GLIS3: variants seen among roughly 807,000 people sequenced by gnomAD.
GLIS3 encodes the protein zinc finger protein GLIS3.
GLIS3 carries 53 observed loss-of-function variants against 78.6 expected under a neutral mutation model. That is an observed-to-expected ratio of 0.67 (90% confidence interval 0.54 to 0.85). The LOEUF (loss-of-function observed/expected upper bound fraction) is 0.85. Ranked by LOEUF, GLIS3 falls within the 40% of genes least tolerant of loss-of-function variation. The probability of loss-of-function intolerance (pLI) is 0.00; values close to 1 mark genes in which losing one functional copy is unlikely to be tolerated. For missense variants in GLIS3, 1,703 were observed against 1,231.1 expected (o/e 1.38, Z -5.74); for synonymous variants, 684 against 509.9 (o/e 1.34, Z -4.60).
intron 9 of GLIS3, among the ~76,000 whole-genome samples, chr9:3,844,741 C>G (rs1035289510): frequency 6.6e-6 from 1 of 152,154 alleles, no homozygotes; most frequent in African/African-American, 2.4e-5. Context: ...TGTAAAAACC[C>G]AGGTCCTAGC....
intron 2 of GLIS3, among the ~76,000 whole-genome samples, chr9:4,157,834 G>A (rs1348148485): frequency 3.3e-5 from 5 of 152,170 alleles, no homozygotes; most frequent in Non-Finnish European, 7.3e-5. Context: ...GAGCCTTTAT[G>A]TGCAGTTAAT....
chr9:4,474,442 T>C, the GLIS3 span, among the ~76,000 whole-genome samples: 1 of 152,200 alleles, frequency 6.6e-6, no homozygotes, highest in Non-Finnish European at 1.5e-5. Context: ...CAAAGTCATG[T>C]TGCAATGCAG....
At chr9:3,919,393 T>C (rs771410120) in intron 6 of GLIS3, among the ~76,000 whole-genome samples, 3 of 152,190 alleles carry the variant, frequency 2.0e-5, no homozygotes, top group Non-Finnish European at 4.4e-5. Flanking sequence ...TAAAATGAAA[T>C]GTGTTCTCAT....
intron 6 of GLIS3, among the ~76,000 whole-genome samples, chr9:3,923,456 TAAG>T (rs1362718793): frequency 6.6e-6 from 1 of 151,926 alleles, no homozygotes; most frequent in Non-Finnish European, 1.5e-5. Flanking sequence ...ATCCGGGTAA[TAAG>T]AAAAAATTGT....
chr9:4,260,276 C>G (rs1825387379), intron 2 of GLIS3, among the ~76,000 whole-genome samples: 1 of 151,920 alleles, frequency 6.6e-6, no homozygotes, highest in African/African-American at 2.4e-5. Context: ...ACTGAAAATA[C>G]AAAAATTAGG....
chr9:4,130,689 C>T (rs1832912683), intron 2 of GLIS3, among the ~76,000 whole-genome samples: 1 of 152,192 alleles, frequency 6.6e-6, no homozygotes, highest in African/African-American at 2.4e-5. Flanking sequence ...CCTGGATGTC[C>T]AGACAGAAGC....
chr9:4,187,628 G>C (rs901784884), intron 2 of GLIS3, among the ~76,000 whole-genome samples: 2 of 152,236 alleles, frequency 1.3e-5, no homozygotes, highest in African/African-American at 4.8e-5. Flanking sequence ...CTACCCATGA[G>C]CATGGAATGT....
intron 4 of GLIS3, among the ~76,000 whole-genome samples, chr9:4,100,872 G>A (rs574701580): frequency 1.3e-5 from 2 of 152,266 alleles, no homozygotes; most frequent in African/African-American, 2.4e-5. Flanking sequence ...TAATCTATGT[G>A]CATGGCACCC....
At chr9:3,903,515 A>G (rs1449392335) in intron 6 of GLIS3, among the ~76,000 whole-genome samples, 2 of 152,230 alleles carry the variant, frequency 1.3e-5, no homozygotes, top group African/African-American at 4.8e-5. Context: ...GGAATCATTC[A>G]GCTCAGCTGC....
At chr9:3,938,434 A>C (rs1380692953) in intron 4 of GLIS3, among the ~76,000 whole-genome samples, 3 of 152,178 alleles carry the variant, frequency 2.0e-5, no homozygotes, top group Non-Finnish European at 4.4e-5. Flanking sequence ...TACTTACTAT[A>C]ATAGATGGTA....
intron 1 of GLIS3, among the ~76,000 whole-genome samples, chr9:4,294,442 G>C (rs1816303000): frequency 1.3e-5 from 2 of 152,094 alleles, no homozygotes; most frequent in Admixed American, 6.5e-5. Context: ...CCAGGAGGGG[G>C]AGGTTGCAGT....
intron 2 of GLIS3, among the ~76,000 whole-genome samples, chr9:4,170,217 C>T (rs1174229612): frequency 6.6e-6 from 1 of 152,150 alleles, no homozygotes; most frequent in African/African-American, 2.4e-5. Context: ...TTCAAATGGG[C>T]TCTCAAAGAC....
At chr9:4,479,324 G>T in the GLIS3 span, among the ~76,000 whole-genome samples, 1 of 152,182 alleles carries the variant, frequency 6.6e-6, no homozygotes, top group Admixed American at 6.5e-5. Flanking sequence ...TTAGATCCTG[G>T]TGTCCAGAGC....
chr9:3,943,207 A>T (rs960154216), intron 4 of GLIS3, among the ~76,000 whole-genome samples: 1 of 152,212 alleles, frequency 6.6e-6, no homozygotes, highest in East Asian at 1.9e-4. Flanking sequence ...AAATCTTAAC[A>T]TTTACATCAG....
chr9:4,260,338 G>A (rs975341067), intron 2 of GLIS3, among the ~76,000 whole-genome samples: 4 of 152,066 alleles, frequency 2.6e-5, no homozygotes, highest in Admixed American at 2.0e-4. Context: ...AGGCCGAGGT[G>A]GGTCGATCAC....
At chr9:3,902,406 G>A (rs776822876) in intron 6 of GLIS3, among the ~76,000 whole-genome samples, 1 of 152,200 alleles carries the variant, frequency 6.6e-6, no homozygotes, top group African/African-American at 2.4e-5. Flanking sequence ...GAGGCACATA[G>A]CAGAATCTCT....
intron 4 of GLIS3, among the ~76,000 whole-genome samples, chr9:4,047,756 T>G (rs1825372719): frequency 6.6e-6 from 1 of 152,176 alleles, no homozygotes; most frequent in Non-Finnish European, 1.5e-5. Flanking sequence ...GGAACCCTAG[T>G]TGATTCAGGA....
At chr9:4,168,833 G>C (rs1035216927) in intron 2 of GLIS3, among the ~76,000 whole-genome samples, 2 of 152,140 alleles carry the variant, frequency 1.3e-5, no homozygotes, top group Non-Finnish European at 2.9e-5. Flanking sequence ...AAAATAGACA[G>C]AAGCCTTGGT....
chr9:4,024,889 G>T (rs553773916), intron 4 of GLIS3, among the ~76,000 whole-genome samples: 2 of 152,076 alleles, frequency 1.3e-5, no homozygotes, highest in African/African-American at 4.8e-5. Context: ...ATCTCCACAG[G>T]GCAGTAATCA....
Sources: allele counts gnomAD v4.1 joint callset (sites outside exome capture counted in the v4.1 genomes callset), GRCh38; gene constraint gnomAD v4.1.1; transcripts MANE v1.5; gene names NCBI Gene and HGNC (gene_info 2026-07-23, HGNC 2026-07-21).